The following PPFIBP1 variants were observed in gnomAD, a reference collection of about 807,000 sequenced individuals.
The protein encoded by PPFIBP1 is PPFIB scaffold protein 1.
PPFIBP1 carries 112 observed loss-of-function variants against 137.8 expected under a neutral mutation model. That is an observed-to-expected ratio of 0.81 (90% CI 0.70 to 0.95). PPFIBP1 has a LOEUF of 0.95. Among genes scored for constraint, PPFIBP1 ranks in the 40% least tolerant of loss-of-function variants. The pLI, the probability that PPFIBP1 is intolerant of heterozygous loss-of-function variation, is 0.00. For missense variants in PPFIBP1, 1,083 were observed against 1,196.6 expected (o/e 0.91, Z 1.40); for synonymous variants, 378 against 417.3 (o/e 0.91, Z 1.15).
intron 4 of PPFIBP1, among the ~76,000 whole-genome samples, chr12:27,639,113 C>T (rs1283959573): frequency 6.6e-6 from 1 of 152,130 alleles, no homozygotes; most frequent in Non-Finnish European, 1.5e-5. Context: ...TAGCCTGTTA[C>T]AGTGAGGGGA....
intron 11 of PPFIBP1, among the ~76,000 whole-genome samples, chr12:27,662,426 T>G (rs2059608646): frequency 6.6e-6 from 1 of 152,184 alleles, no homozygotes; most frequent in Admixed American, 6.5e-5. Flanking sequence ...GAAAGCTAAC[T>G]CTGGTAGCAG....
chr12:27,527,785 C>T (rs1049124215), intron 1 of PPFIBP1, among the ~76,000 whole-genome samples: 1 of 151,644 alleles, frequency 6.6e-6, no homozygotes, highest in Admixed American at 6.6e-5. Context: ...AAAAAAAAAT[C>T]ACAGTTGAGC....
At chr12:27,632,235 G>A (rs2057318002) in intron 2 of PPFIBP1, among the ~76,000 whole-genome samples, 1 of 152,208 alleles carries the variant, frequency 6.6e-6, no homozygotes, top group Non-Finnish European at 1.5e-5. Flanking sequence ...CATCCAAGGA[G>A]TTGATACCGG....
intron 9 of PPFIBP1, among the ~76,000 whole-genome samples, chr12:27,657,332 A>G (rs1177735491): frequency 2.0e-5 from 3 of 152,092 alleles, no homozygotes; most frequent in East Asian, 3.8e-4. Flanking sequence ...CAGATTGTGC[A>G]TGATAGAAAA....
At chr12:27,531,798 G>A (rs746761869) in intron 1 of PPFIBP1, among the ~76,000 whole-genome samples, 34 of 152,084 alleles carry the variant, frequency 2.2e-4, no homozygotes, top group Non-Finnish European at 4.0e-4. Context: ...CATTTATTCC[G>A]CCTCCTGTCT....
chr12:27,647,622 G>A (rs993988545), intron 5 of PPFIBP1, 107 bp from the exon 6 acceptor site: 15 of 660,830 alleles, frequency 2.3e-5, no homozygotes, highest in Admixed American at 9.2e-5. Context: ...CTTTATAACC[G>A]TATGAATGGT....
intron 2 of PPFIBP1, among the ~76,000 whole-genome samples, chr12:27,587,081 A>G (rs1410405021): frequency 2.0e-5 from 3 of 152,204 alleles, no homozygotes; most frequent in African/African-American, 7.2e-5. Flanking sequence ...AAATACCTAG[A>G]TGCTAGTCTG....
chr12:27,666,156 T>C (rs1034046856), intron 12 of PPFIBP1, among the ~76,000 whole-genome samples: 1 of 152,242 alleles, frequency 6.6e-6, no homozygotes, highest in Non-Finnish European at 1.5e-5. Flanking sequence ...ATGATCACTA[T>C]TGGCATTTTT....
chr12:27,678,216 C>T (rs1404980775), intron 19 of PPFIBP1, among the ~76,000 whole-genome samples: 1 of 152,086 alleles, frequency 6.6e-6, no homozygotes, highest in African/African-American at 2.4e-5. Flanking sequence ...AACAGTAGCC[C>T]TTGTGTTTGC....
At chr12:27,550,977 T>TTATATATATA (rs373063647) in intron 1 of PPFIBP1, among the ~76,000 whole-genome samples, 190 of 135,934 alleles carry the variant, frequency 1.4e-3, no homozygotes, top group African/African-American at 4.5e-3. Flanking sequence ...GGCACTAATT[T>TTATATATATA]TATATATATA....
rs780230753 is a variant in PPFIBP1, at chr12:27,691,813, AAT to A, written c.2753_2754del (p.Tyr918CysfsTer15). The stretch of plus-strand genomic sequence containing the variant: ...AAGAAGAAACAGGAAGATGGTGAAG[AAT>A]ATGTTTGTCCAATGGAATTGGGACA... On this transcript the variant is annotated frameshift_variant, in exon 28 of 30. Coordinates refer to ENST00000228425, the MANE Select transcript of PPFIBP1 (RefSeq NM_003622.4). LOFTEE classifies it high-confidence loss of function. The A allele has an allele frequency of 6.2e-7, 1 of 1,613,978 alleles. No homozygotes were observed. The highest frequency in any genetic ancestry group is 1.3e-5 in the African/African-American group (1 of 75,050).
intron 4 of PPFIBP1, among the ~76,000 whole-genome samples, chr12:27,639,477 G>C (rs2057947294): frequency 6.6e-6 from 1 of 152,156 alleles, no homozygotes; most frequent in Non-Finnish European, 1.5e-5. Flanking sequence ...TCATGACCTT[G>C]ATCCATGTCA....
At chr12:27,630,210 A>C (rs570531689) in intron 2 of PPFIBP1, among the ~76,000 whole-genome samples, 1 of 151,304 alleles carries the variant, frequency 6.6e-6, no homozygotes, top group South Asian at 2.1e-4. Flanking sequence ...AGTAGATTTA[A>C]ATCCAACCAG....
At chr12:27,544,513 A>T (rs306661) in intron 1 of PPFIBP1, among the ~76,000 whole-genome samples, 1 of 151,940 alleles carries the variant, frequency 6.6e-6, no homozygotes, top group Non-Finnish European at 1.5e-5. Context: ...ACTAATATCT[A>T]GAATCTACAA....
intron 2 of PPFIBP1, among the ~76,000 whole-genome samples, chr12:27,594,338 C>G (rs569932479): frequency 1.3e-5 from 2 of 151,976 alleles, no homozygotes; most frequent in African/African-American, 4.8e-5. Flanking sequence ...CCACAATGCC[C>G]AGCTAATTTT....
chr12:27,670,758 G>A (rs191711477), intron 13 of PPFIBP1, among the ~76,000 whole-genome samples: 52 of 116,990 alleles, frequency 4.4e-4, no homozygotes, highest in Admixed American at 1.5e-3. Flanking sequence ...TAGTGTGGAT[G>A]ACAAAGTGAG....
At chr12:27,672,583 G>A in intron 15 of PPFIBP1, 100 bp downstream of exon 15, 3 of 903,664 alleles carry the variant, frequency 3.3e-6, no homozygotes, top group Middle Eastern at 2.3e-4. Context: ...AATGACCGAG[G>A]CTGTTAAATT....
intron 15 of PPFIBP1, among the ~76,000 whole-genome samples, chr12:27,672,693 C>T (rs1318738343): frequency 1.3e-5 from 2 of 152,108 alleles, no homozygotes; most frequent in African/African-American, 4.8e-5. Context: ...TATCTCATGC[C>T]AGGGTTTTGC....
At chr12:27,595,790 G>T (rs866809116) in intron 2 of PPFIBP1, among the ~76,000 whole-genome samples, 5 of 151,348 alleles carry the variant, frequency 3.3e-5, no homozygotes, top group Non-Finnish European at 1.5e-5. Context: ...GGAGGCAGAG[G>T]TTGCGGTGAG....
Sources: allele counts gnomAD v4.1 joint callset (sites outside exome capture counted in the v4.1 genomes callset), GRCh38; gene constraint gnomAD v4.1.1; transcripts MANE v1.5; gene names NCBI Gene and HGNC (gene_info 2026-07-23, HGNC 2026-07-21).